NPAS3: variants seen among roughly 807,000 people sequenced by gnomAD.
The protein encoded by NPAS3 is neuronal PAS domain-containing protein 3.
Under a neutral mutation model 73.1 loss-of-function variants are expected in NPAS3, and 14 were observed. The observed-to-expected ratio is 0.19, with a 90% CI of 0.13 to 0.30. NPAS3 has a LOEUF of 0.30. Ranked by LOEUF, NPAS3 falls within the 10% of genes least tolerant of loss-of-function variation. The pLI, the probability that NPAS3 is intolerant of heterozygous loss-of-function variation, is 1.00. For synonymous variants in NPAS3, 620 were observed against 541.5 expected (o/e 1.14, Z -2.01); for missense variants, 1,096 against 1,250.0 (o/e 0.88, Z 1.86).
chr14:33,094,261 A>G (rs1049324642), intron 2 of NPAS3, among the ~76,000 whole-genome samples: 1 of 152,176 alleles, frequency 6.6e-6, no homozygotes, highest in Non-Finnish European at 1.5e-5. Flanking sequence ...ATAACCCACT[A>G]TATGGACAAT....
chr14:33,104,694 G>A (rs112810234), intron 2 of NPAS3, among the ~76,000 whole-genome samples: 90 of 152,268 alleles, frequency 5.9e-4, no homozygotes, highest in African/African-American at 2.0e-3. Context: ...GTGCATAGCC[G>A]TAAGCCACAT....
chr14:33,198,721 GC>G (rs1191924261), intron 2 of NPAS3, among the ~76,000 whole-genome samples: 9 of 152,210 alleles, frequency 5.9e-5, no homozygotes, highest in Non-Finnish European at 1.3e-4. Context: ...CTGCCCGCCA[GC>G]CCTGCGCCAT....
intron 1 of NPAS3, among the ~76,000 whole-genome samples, chr14:32,987,873 G>A (rs750415390): frequency 1.3e-5 from 2 of 151,822 alleles, no homozygotes; most frequent in Admixed American, 6.6e-5. Flanking sequence ...TCTTATACTT[G>A]GATTAAGTAC....
chr14:33,516,387 C>T (rs1332861227), intron 4 of NPAS3, among the ~76,000 whole-genome samples: 1 of 152,150 alleles, frequency 6.6e-6, no homozygotes, highest in Admixed American at 6.5e-5. Context: ...CATTCTTCTA[C>T]CACTTGTAAA....
rs566606148 is a variant in NPAS3 at position 33,060,517 on chromosome 14, T to C, written c.140+4523T>C. ...TGATTGAGAAGGTGTTTGTAATGGA[T>C]TTAGACAGTTGTCATTGAAAGCAGA... On this transcript the variant is annotated intron_variant, in intron 2 of 11. Transcript: ENST00000356141. 2.6e-5 allele frequency among the ~76,000 whole-genome samples: 4 copies of C among 152,348 alleles called. No individual in the cohort carries two copies. In the East Asian group the frequency reaches 7.7e-4, roughly 29 times the overall value.
At chr14:33,166,822 C>T (rs1473408962) in intron 2 of NPAS3, among the ~76,000 whole-genome samples, 1 of 152,038 alleles carries the variant, frequency 6.6e-6, no homozygotes, top group Admixed American at 6.6e-5. Flanking sequence ...AATTTTAAGA[C>T]ATTTAAAGAG....
At chr14:33,747,765 T>C (rs1399043067) in intron 7 of NPAS3, among the ~76,000 whole-genome samples, 1 of 152,216 alleles carries the variant, frequency 6.6e-6, no homozygotes, top group African/African-American at 2.4e-5. Flanking sequence ...TACAGCAGCA[T>C]TTACATATCC....
chr14:33,161,923 A>T (rs541257709), intron 2 of NPAS3, among the ~76,000 whole-genome samples: 1 of 152,362 alleles, frequency 6.6e-6, no homozygotes, highest in South Asian at 2.1e-4. Flanking sequence ...GACCTGAGCC[A>T]TGAAGGCTGA....
chr14:33,179,257 C>G (rs2045708933), intron 2 of NPAS3, among the ~76,000 whole-genome samples: 2 of 152,088 alleles, frequency 1.3e-5, no homozygotes, highest in Admixed American at 1.3e-4. Context: ...GTTTTGGATG[C>G]CTCCTTTGGC....
chr14:33,426,277 A>C (rs1831696457), intron 4 of NPAS3, among the ~76,000 whole-genome samples: 1 of 152,134 alleles, frequency 6.6e-6, no homozygotes, highest in African/African-American at 2.4e-5. Flanking sequence ...TGCTAGGAGC[A>C]AGATTGTAAC....
At chr14:33,001,764 C>G (rs1340177652) in intron 1 of NPAS3, among the ~76,000 whole-genome samples, 1 of 152,140 alleles carries the variant, frequency 6.6e-6, no homozygotes, top group African/African-American at 2.4e-5. Flanking sequence ...AACTCCACCC[C>G]GAATATTGCT....
chr14:33,726,233 C>T (rs2061260636), intron 6 of NPAS3, among the ~76,000 whole-genome samples: 1 of 152,166 alleles, frequency 6.6e-6, no homozygotes, highest in Non-Finnish European at 1.5e-5. Context: ...TCTCTAAAGA[C>T]TTGCCAATAC....
chr14:33,436,691 C>T (rs924425050), intron 4 of NPAS3, among the ~76,000 whole-genome samples: 1 of 152,194 alleles, frequency 6.6e-6, no homozygotes, highest in African/African-American at 2.4e-5. Context: ...TGTGTATTTT[C>T]ATCCAATTTA....
At chr14:33,712,589 A>T (rs142968683) in intron 6 of NPAS3, among the ~76,000 whole-genome samples, 193 of 152,308 alleles carry the variant, frequency 1.3e-3, no homozygotes, top group African/African-American at 4.2e-3. Flanking sequence ...CTGTTTTTTA[A>T]ATCACCACTG....
intron 2 of NPAS3, among the ~76,000 whole-genome samples, chr14:33,080,234 A>T (rs908026191): frequency 1.3e-5 from 2 of 151,884 alleles, no homozygotes; most frequent in Non-Finnish European, 2.9e-5. Flanking sequence ...CAGCCTCCCG[A>T]GTAGCTGGGA....
At chr14:33,425,904 T>C (rs1044649085) in intron 4 of NPAS3, among the ~76,000 whole-genome samples, 6 of 152,086 alleles carry the variant, frequency 3.9e-5, no homozygotes, top group Admixed American at 3.3e-4. Flanking sequence ...TCAGTCATAC[T>C]GAATCAGAAA....
chr14:33,400,470 A>G (rs1186564836), intron 4 of NPAS3, among the ~76,000 whole-genome samples: 1 of 152,168 alleles, frequency 6.6e-6, no homozygotes, highest in African/African-American at 2.4e-5. Flanking sequence ...TAAAATCTCA[A>G]TTCTCACAGC....
At chr14:33,070,741 G>A (rs1326513187) in intron 2 of NPAS3, among the ~76,000 whole-genome samples, 1 of 152,088 alleles carries the variant, frequency 6.6e-6, no homozygotes, top group Non-Finnish European at 1.5e-5. Context: ...ATGTACTGCT[G>A]GACTAGTTAC....
intron 1 of NPAS3, among the ~76,000 whole-genome samples, chr14:33,052,983 A>G (rs906728839): frequency 6.6e-6 from 1 of 152,044 alleles, no homozygotes; most frequent in Non-Finnish European, 1.5e-5. Context: ...GCAATTGTTT[A>G]AAAAAAATTC....
Sources: allele counts gnomAD v4.1 joint callset (sites outside exome capture counted in the v4.1 genomes callset), GRCh38; gene constraint gnomAD v4.1.1; transcripts MANE v1.5; gene names NCBI Gene and HGNC (gene_info 2026-07-23, HGNC 2026-07-21).